LY9: variants seen among roughly 807,000 people sequenced by gnomAD.
LY9 encodes the protein T-lymphocyte surface antigen Ly-9.
Under a neutral mutation model 64.6 loss-of-function variants are expected in LY9, and 59 were observed. That is an observed-to-expected ratio of 0.91 (90% CI 0.74 to 1.13). The LOEUF is 1.13. Among genes scored for constraint, LY9 ranks in the 50% most tolerant of loss-of-function variants. The pLI is 0.00. For synonymous variants in LY9, 281 were observed against 308.5 expected (o/e 0.91, Z 0.93); for missense variants, 789 against 797.2 (o/e 0.99, Z 0.12).
At chr1:160,796,517 T>A (rs948882780) in intron 1 of LY9, among the ~76,000 whole-genome samples, 2 of 152,082 alleles carry the variant, frequency 1.3e-5, no homozygotes, top group African/African-American at 4.8e-5. Flanking sequence ...CTCAGCCTCT[T>A]GAGTAGCTGG....
intron 9 of LY9, among the ~76,000 whole-genome samples, 162 bp from the exon 10 acceptor site, chr1:160,827,586 C>T (rs961672161): frequency 6.6e-6 from 1 of 152,214 alleles, no homozygotes; most frequent in Non-Finnish European, 1.5e-5. Flanking sequence ...TCCATAAATG[C>T]TTGGCATCAG....
intron 2 of LY9, chr1:160,801,948 C>T (rs780039125): frequency 2.4e-5 from 38 of 1,609,858 alleles, no homozygotes; most frequent in Non-Finnish European, 4.2e-6. Context: ...CTGGAGACCG[C>T]TCCGCCATCC....
Position 160,813,926 on chromosome 1 carries a change from C to T in LY9, c.730+15C>T, listed in dbSNP as rs753247495. ...GTTCTGTACAGGTAACTGGCTCCAA[C>T]TTGGCCCTTGAGGGAATTCCAGAAA... On this transcript the variant is annotated intron_variant, in intron 3 of 9. Coordinates refer to ENST00000263285, the MANE Select transcript of LY9 (RefSeq NM_002348.4). 2 of 1,605,880 alleles carry T rather than the reference C, an allele frequency of 1.2e-6. No homozygotes were observed. Among genetic ancestry groups the T allele is most frequent in the South Asian group, 1.1e-5 (1 of 90,324 alleles).
chr1:160,814,343 A>G, intron 3 of LY9, 77 bp from the exon 4 acceptor site: 4 of 1,114,488 alleles, frequency 3.6e-6, no homozygotes, highest in Non-Finnish European at 3.9e-6. Flanking sequence ...CAGTCCCCTC[A>G]GTCCCCTTTA....
intron 4 of LY9, 165 bp downstream of exon 4, chr1:160,814,926 A>G: frequency 1.6e-6 from 1 of 623,650 alleles, no homozygotes; most frequent in Middle Eastern, 2.6e-4. Flanking sequence ...ATAGGAGGCA[A>G]ACTCATGACT....
intron 1 of LY9, chr1:160,797,111 C>T: frequency 1.0e-6 from 1 of 985,530 alleles, no homozygotes; most frequent in Non-Finnish European, 1.2e-6. Flanking sequence ...CCTATCAAGG[C>T]CCAACTCCTG....
chr1:160,819,184 G>A lies in LY9; in HGVS notation c.1445-137G>A. On this transcript the variant is annotated intron_variant, in intron 6 of 9. Transcript: ENST00000263285. ...CACATAGGCCTGGCTTCTCATCAGG[G>A]TTCATCCTCCTTCCTGAAGCCTTTT... 1.1e-5 allele frequency: 8 copies of A among 716,248 alleles called. No homozygotes were observed. In the Admixed American group the frequency reaches 1.5e-4, roughly 14 times the overall value. The allele number at this position is 716,248 out of a possible 1,614,324, so 44.4% of individuals were successfully genotyped here.
chr1:160,823,264 T>G (rs1668615593), intron 7 of LY9, among the ~76,000 whole-genome samples: 1 of 152,140 alleles, frequency 6.6e-6, no homozygotes, highest in African/African-American at 2.4e-5. Flanking sequence ...ATTTATCAAA[T>G]GAATGAATAA....
intron 6 of LY9, among the ~76,000 whole-genome samples, chr1:160,818,586 G>T (rs1274344253): frequency 6.6e-6 from 1 of 152,138 alleles, no homozygotes; most frequent in African/African-American, 2.4e-5. Context: ...TCAATCTGTG[G>T]GGAAGGCAGG....
chr1:160,814,448 G>T lies in LY9; in HGVS notation c.759G>T (p.Thr253=). The stretch of plus-strand genomic sequence containing the variant: ...CAGGAGCCTCCAGAGGAGGAACAAC[G>T]GGGGAGACTGTGGTAGGGGTCCTGG... ...TDPGASRGGT[T]GETVVGVLGE... is the part of the protein sequence containing the mutation. Residue 253 remains threonine, a synonymous_variant, in exon 4 of 10, where the codon ACG becomes ACT. Coordinates refer to ENST00000263285, the MANE Select transcript of LY9 (RefSeq NM_002348.4). 3 of 1,612,992 alleles carry T rather than the reference G, an allele frequency of 1.9e-6. No individual in the cohort carries two copies. Among genetic ancestry groups the T allele is most frequent in the Non-Finnish European group, 2.5e-6 (3 of 1,179,344 alleles).
intron 2 of LY9, chr1:160,802,172 C>T: frequency 7.9e-7 from 1 of 1,258,652 alleles, no homozygotes; most frequent in Non-Finnish European, 1.0e-6. Flanking sequence ...CGGGCTGGGC[C>T]TTGTGTGCCA....
intron 8 of LY9, 36 bp downstream of exon 8, chr1:160,823,832 C>T (rs1031382109): frequency 6.7e-7 from 1 of 1,503,354 alleles, no homozygotes; most frequent in African/African-American, 1.4e-5. Context: ...TCCTCCTCCT[C>T]CCATGTCTAG....
intron 2 of LY9, among the ~76,000 whole-genome samples, chr1:160,805,739 T>TCACACACACA (rs1491182156): frequency 1.8e-5 from 2 of 111,858 alleles, no homozygotes; most frequent in Admixed American, 1.1e-4. Context: ...TCTCTCTCTG[T>TCACACACACA]CTCACACACA....
intron 7 of LY9, among the ~76,000 whole-genome samples, chr1:160,822,961 A>G (rs1668588392): frequency 6.6e-6 from 1 of 152,066 alleles, no homozygotes; most frequent in African/African-American, 2.4e-5. Context: ...TTGAATCCCT[A>G]TTCAAGACCC....
chr1:160,796,948 G>A (rs895705070), intron 1 of LY9, among the ~76,000 whole-genome samples: 2 of 152,182 alleles, frequency 1.3e-5, no homozygotes, highest in African/African-American at 4.8e-5. Flanking sequence ...GGGATGGAGA[G>A]AACTTCTGGA....
Position 160,813,643 on chromosome 1 carries a change from G to T in LY9, c.462G>T (p.Leu154=). ...EEFTLFVYEQ[L]QEPQVTMKSV... ...ATGCTGTTGTCCCTGCAGAGCAGCTGCAGGAGCCCCAAGTCACCATGAAGT... is the reference window on the plus strand; with the variant it reads ...ATGCTGTTGTCCCTGCAGAGCAGCTTCAGGAGCCCCAAGTCACCATGAAGT... The change falls in exon 3 of 10, where the codon CTG becomes CTT. Residue 154 remains leucine (L), a synonymous_variant. Coordinates refer to ENST00000263285, the MANE Select transcript of LY9 (RefSeq NM_002348.4). The T allele has an allele frequency of 6.2e-7, 1 of 1,613,392 alleles. No individual in the cohort carries two copies. Among genetic ancestry groups the T allele is most frequent in the African/African-American group, 1.3e-5 (1 of 75,014 alleles).
At chr1:160,797,220 A>G in intron 1 of LY9, 1 of 985,542 alleles carries the variant, frequency 1.0e-6, no homozygotes, top group Non-Finnish European at 1.2e-6. Flanking sequence ...GGACTGTGGC[A>G]GCTACTGTCC....
chr1:160,826,168 A>G (rs1302679571), intron 9 of LY9, among the ~76,000 whole-genome samples: 1 of 152,250 alleles, frequency 6.6e-6, no homozygotes, highest in African/African-American at 2.4e-5. Flanking sequence ...TAAGAAAATC[A>G]TAAGGAAGAT....
intron 1 of LY9, chr1:160,797,042 G>A: frequency 1.1e-6 from 1 of 891,170 alleles, no homozygotes; most frequent in Non-Finnish European, 1.3e-6. Flanking sequence ...ACGCGGTTAG[G>A]TGACCATGGG....
Sources: gnomAD v4.1 joint callset for allele counts (sites outside exome capture counted in the v4.1 genomes callset) on GRCh38, gnomAD v4.1.1 for gene constraint, MANE v1.5 for transcripts, NCBI Gene and HGNC (gene_info 2026-07-23, HGNC 2026-07-21) for gene names.